The following CPEB1 variants were observed in gnomAD, a reference collection of about 807,000 sequenced individuals.
CPEB1 encodes the protein cytoplasmic polyadenylation element-binding protein 1.
A neutral mutation model predicts 65.8 loss-of-function variants in CPEB1; 7 were observed. The ratio of observed to expected loss-of-function variants is 0.11; its 90% CI spans 0.06 to 0.20. The LOEUF (loss-of-function observed/expected upper bound fraction) is 0.20, where lower values mean the gene tolerates loss of function less well. Ranked by LOEUF, CPEB1 falls within the 10% of genes least tolerant of loss-of-function variation. The probability of loss-of-function intolerance (pLI) is 1.00; values close to 1 mark genes in which losing one functional copy is unlikely to be tolerated. For synonymous variants in CPEB1, 262 were observed against 260.0 expected (o/e 1.01, Z -0.08); for missense variants, 551 against 712.2 (o/e 0.77, Z 2.58).
chr15:82,578,822 ATGT>A (rs1259328487), intron 3 of CPEB1, among the ~76,000 whole-genome samples: 3 of 152,034 alleles, frequency 2.0e-5, no homozygotes, highest in Non-Finnish European at 4.4e-5. Flanking sequence ...ACAAAATTAC[ATGT>A]TTTTTTGTTT....
chr15:82,574,607 G>C (rs1272815085), intron 3 of CPEB1, among the ~76,000 whole-genome samples: 1 of 151,452 alleles, frequency 6.6e-6, no homozygotes, highest in Admixed American at 6.6e-5. Context: ...TGCAGTCCCA[G>C]CTACTTAGGA....
intron 3 of CPEB1, among the ~76,000 whole-genome samples, chr15:82,613,200 A>ATTATATGTTGAACATATATATGAACT (rs1329277071): frequency 6.6e-6 from 1 of 152,234 alleles, no homozygotes; most frequent in Non-Finnish European, 1.5e-5. Flanking sequence ...TATACTAAAT[A>ATTATATGTTGAACATATATATGAACT]AAATATATTA....
intron 9 of CPEB1, 137 bp downstream of exon 9, chr15:82,552,343 T>C (rs891309060): frequency 1.3e-6 from 1 of 769,914 alleles, no homozygotes; most frequent in Admixed American, 3.6e-5. Flanking sequence ...TGCTATTTTA[T>C]TGTGGGACAA....
At chr15:82,553,648 G>A in intron 7 of CPEB1, 92 bp from the exon 8 acceptor site, 1 of 974,106 alleles carries the variant, frequency 1.0e-6, no homozygotes. Context: ...CTCCTCCCTG[G>A]CTCATCCCCA....
At chr15:82,623,346 G>A (rs2045482762) in intron 3 of CPEB1, among the ~76,000 whole-genome samples, 1 of 152,154 alleles carries the variant, frequency 6.6e-6, no homozygotes, top group African/African-American at 2.4e-5. Flanking sequence ...ATTACAAAAT[G>A]TTTGTTTTAG....
chr15:82,617,086 A>G (rs1309005336), intron 3 of CPEB1, among the ~76,000 whole-genome samples: 1 of 152,186 alleles, frequency 6.6e-6, no homozygotes, highest in African/African-American at 2.4e-5. Flanking sequence ...CCTCTTGCCC[A>G]GGCAACCACC....
intron 3 of CPEB1, among the ~76,000 whole-genome samples, chr15:82,614,783 C>G (rs1011865590): frequency 1.2e-4 from 19 of 152,058 alleles, no homozygotes; most frequent in Non-Finnish European, 2.5e-4. Context: ...AAGACCTAGT[C>G]CTTACACATT....
Position 82,642,440 on chromosome 15 carries a change from C to T in CPEB1, c.-98+4697G>A, listed in dbSNP as rs190219925. ...TGAATGGCTGTAGTCCTAGCTACTT[C>T]GGAGGCTGAGGCTGAAGGATCCCTT... On this transcript the variant is annotated intron_variant, in intron 1 of 12. Transcript: ENST00000684509. 2.2e-4 allele frequency among the ~76,000 whole-genome samples: 34 copies of T among 152,204 alleles called. No homozygotes were observed. The East Asian group carries it at 5.8e-3, about 26-fold the overall frequency.
rs1468265726 is a variant in CPEB1 at position 82,543,987 on chromosome 15, G to A, written c.*605C>T. Reference sequence around the variant, plus strand: ...GTTTTAAGGAGTGTAAAAAGGAACCGGTAAAAACCCTCGAGCGTAAAATAT... The same window carrying A: ...GTTTTAAGGAGTGTAAAAAGGAACCAGTAAAAACCCTCGAGCGTAAAATAT... On this transcript the variant is annotated 3_prime_UTR_variant, in exon 13 of 13. Coordinates refer to ENST00000684509, the MANE Select transcript of CPEB1 (RefSeq NM_001365242.1). The A allele has an allele frequency of 3.9e-5, 6 of 152,180 alleles. No homozygotes were observed. Among genetic ancestry groups the A allele is most frequent in the African/African-American group, 4.8e-5 (2 of 41,388 alleles). 9.4% of individuals were successfully genotyped at this position (152,180 alleles called of 1,614,324 possible).
intron 3 of CPEB1, among the ~76,000 whole-genome samples, chr15:82,611,315 AAC>A (rs1338168995): frequency 2.0e-5 from 3 of 151,980 alleles, no homozygotes; most frequent in South Asian, 2.1e-4. Flanking sequence ...AAATAAAATT[AAC>A]AGTTTGACTT....
At chr15:82,617,650 T>G (rs1002466741) in intron 3 of CPEB1, among the ~76,000 whole-genome samples, 1 of 151,932 alleles carries the variant, frequency 6.6e-6, no homozygotes, top group African/African-American at 2.4e-5. Flanking sequence ...TAGGGGAAAT[T>G]AGGTACAGGA....
intron 3 of CPEB1, among the ~76,000 whole-genome samples, chr15:82,596,078 G>A (rs755791093): frequency 6.6e-6 from 1 of 152,080 alleles, no homozygotes; most frequent in Non-Finnish European, 1.5e-5. Context: ...TATAGCAGAG[G>A]GCAGATGAAG....
intron 12 of CPEB1, among the ~76,000 whole-genome samples, chr15:82,545,371 T>C (rs1237964245): frequency 6.6e-6 from 1 of 152,202 alleles, no homozygotes; most frequent in Non-Finnish European, 1.5e-5. Flanking sequence ...ACTCCAAATC[T>C]GATCAATGGC....
chr15:82,590,207 G>GA (rs2042116869), intron 3 of CPEB1, among the ~76,000 whole-genome samples: 1 of 27,966 alleles, frequency 3.6e-5, no homozygotes, highest in Admixed American at 6.8e-4. Context: ...TCATCCCTTT[G>GA]ACAAAAAAAA....
At chr15:82,571,623 C>A (rs2151053796) in intron 3 of CPEB1, 91 bp from the exon 4 acceptor site, 1 of 1,491,846 alleles carries the variant, frequency 6.7e-7, no homozygotes, top group African/African-American at 1.4e-5. Context: ...TAATAGTTTC[C>A]CCAGGCTCAC....
chr15:82,597,436 G>T (rs954779077), intron 3 of CPEB1, among the ~76,000 whole-genome samples: 1 of 152,218 alleles, frequency 6.6e-6, no homozygotes, highest in African/African-American at 2.4e-5. Context: ...TGGGGCAGGG[G>T]AGATCTGTGC....
In CPEB1 at chr15:82,573,181, AG is replaced by A. The variant is rs1291112730; in HGVS notation, c.272-1650del. On this transcript the variant is annotated intron_variant, in intron 3 of 12. Transcript: ENST00000684509. ...TTCCTGCAGTACACCCTGTGTCCACAGGCACTCAGGCATAGCCTAGAAGGGA... is the reference window on the plus strand; with the variant it reads ...TTCCTGCAGTACACCCTGTGTCCACAGCACTCAGGCATAGCCTAGAAGGGA... 5.9e-6 allele frequency: 9 copies of A among 1,531,036 alleles called. No individual in the cohort carries two copies. In the Admixed American group the frequency reaches 1.6e-4, roughly 27 times the overall value. The allele number at this position is 1,531,036 out of a possible 1,614,324, so 94.8% of individuals were successfully genotyped here.
chr15:82,564,105 A>G (rs1347007467), intron 4 of CPEB1, among the ~76,000 whole-genome samples: 1 of 152,212 alleles, frequency 6.6e-6, no homozygotes, highest in South Asian at 2.1e-4. Context: ...TACCAAGACC[A>G]ATCTTTACCA....
At chr15:82,612,595 G>C (rs2044275233) in intron 3 of CPEB1, among the ~76,000 whole-genome samples, 1 of 151,878 alleles carries the variant, frequency 6.6e-6, no homozygotes, top group African/African-American at 2.4e-5. Flanking sequence ...CCAGCACTTT[G>C]GGAGTCCAAG....
Sources: allele counts gnomAD v4.1 joint callset (sites outside exome capture counted in the v4.1 genomes callset), GRCh38; gene constraint gnomAD v4.1.1; transcripts MANE v1.5; gene names NCBI Gene and HGNC (gene_info 2026-07-23, HGNC 2026-07-21).